GRM8: variants seen among roughly 807,000 people sequenced by gnomAD.
The protein encoded by GRM8 is metabotropic glutamate receptor 8.
GRM8 carries 47 observed loss-of-function variants against 87.2 expected under a neutral mutation model. That is an observed-to-expected ratio of 0.54 (90% CI 0.43 to 0.69). The LOEUF (loss-of-function observed/expected upper bound fraction) is 0.69. Among genes scored for constraint, GRM8 ranks in the 30% least tolerant of loss-of-function variants. The pLI is 0.00. For missense variants in GRM8, 1,019 were observed against 1,139.2 expected (o/e 0.89, Z 1.52); for synonymous variants, 396 against 404.5 (o/e 0.98, Z 0.25).
intron 7 of GRM8, among the ~76,000 whole-genome samples, chr7:126,650,944 G>A (rs10808226): frequency 0.31 from 46,713 of 151,876 alleles, 8,055 homozygotes; most frequent in East Asian, 0.43. Flanking sequence ...CTGAGTGCCC[G>A]ATTTGCCAGA....
At chr7:126,746,916 A>G (rs1169424347) in intron 7 of GRM8, among the ~76,000 whole-genome samples, 1 of 151,692 alleles carries the variant, frequency 6.6e-6, no homozygotes, top group Non-Finnish European at 1.5e-5. Flanking sequence ...ATGACTGAAT[A>G]TAAAAGAAAG....
rs1263767317 is a variant in GRM8, at chr7:126,904,116, C to T, written c.874G>A (p.Glu292Lys). The part of the protein sequence containing the change: ...ANEDDIRRIL[E>K]AAKKLNQSGH... ...CTTTGGTTTAGTTTTTTTGCTGCTT[C>T]CAATATCCTCCTACAGGAATAAAAA... is the stretch of plus-strand genomic sequence containing the variant. Residue 292 changes from glutamate to lysine, a missense_variant, in exon 5 of 11, where the codon GAA becomes AAA. By Grantham distance (56) the Glu-to-Lys change is moderately conservative. Transcript: ENST00000339582. 1 of 1,608,376 alleles carries T rather than the reference C, an allele frequency of 6.2e-7. No homozygotes were observed.
intron 3 of GRM8, among the ~76,000 whole-genome samples, chr7:127,068,165 T>TAA (rs1476037107): frequency 6.6e-6 from 1 of 152,166 alleles, no homozygotes; most frequent in Non-Finnish European, 1.5e-5. Flanking sequence ...GAAACTCTTT[T>TAA]ATGAATCAAA....
chr7:127,024,586 C>T (rs1442144215), intron 3 of GRM8, among the ~76,000 whole-genome samples: 1 of 152,068 alleles, frequency 6.6e-6, no homozygotes, highest in Non-Finnish European at 1.5e-5. Context: ...TCTTTGCTGA[C>T]TGAAACCCTC....
At chr7:126,717,034 A>G (rs1214232023) in intron 7 of GRM8, among the ~76,000 whole-genome samples, 2 of 152,212 alleles carry the variant, frequency 1.3e-5, no homozygotes, top group Admixed American at 6.5e-5. Context: ...CCCTGAAGAA[A>G]TAGGGAGTAA....
chr7:126,619,187 T>C (rs766321631), intron 7 of GRM8, among the ~76,000 whole-genome samples: 12 of 152,186 alleles, frequency 7.9e-5, no homozygotes, highest in Non-Finnish European at 1.5e-4. Flanking sequence ...CGGAGTACTA[T>C]GCAGTCATAA....
At chr7:126,839,459 C>A (rs1796082753) in intron 6 of GRM8, among the ~76,000 whole-genome samples, 1 of 152,066 alleles carries the variant, frequency 6.6e-6, no homozygotes, top group African/African-American at 2.4e-5. Context: ...GCTCAAAGAT[C>A]CAGATATTAA....
intron 7 of GRM8, among the ~76,000 whole-genome samples, chr7:126,732,838 T>TA (rs1332062484): frequency 6.6e-6 from 1 of 152,120 alleles, no homozygotes; most frequent in East Asian, 1.9e-4. Context: ...AGTTTAGGAA[T>TA]AAAAAAATCC....
intron 7 of GRM8, among the ~76,000 whole-genome samples, chr7:126,742,764 A>T (rs1372414506): frequency 6.6e-6 from 1 of 152,066 alleles, no homozygotes; most frequent in Non-Finnish European, 1.5e-5. Context: ...ACTCCCATAA[A>T]GCAATCATGT....
At chr7:126,841,454 G>A (rs1796263315) in intron 6 of GRM8, among the ~76,000 whole-genome samples, 2 of 151,868 alleles carry the variant, frequency 1.3e-5, no homozygotes, top group Admixed American at 1.3e-4. Context: ...ATAGAGTCTT[G>A]GATAGAAGGT....
At chr7:127,225,812 C>T (rs1236129853) in intron 2 of GRM8, among the ~76,000 whole-genome samples, 1 of 151,756 alleles carries the variant, frequency 6.6e-6, no homozygotes, top group African/African-American at 2.4e-5. Flanking sequence ...AGTCCTGAAT[C>T]CTTCCAGGCA....
intron 6 of GRM8, among the ~76,000 whole-genome samples, chr7:126,801,553 T>C (rs1468144017): frequency 1.2e-4 from 8 of 68,030 alleles, no homozygotes; most frequent in Non-Finnish European, 3.5e-4. Flanking sequence ...TATTACTATG[T>C]GGCTGGTATT....
At chr7:126,612,615 T>TTA (rs1799032089) in intron 7 of GRM8, among the ~76,000 whole-genome samples, 1 of 152,200 alleles carries the variant, frequency 6.6e-6, no homozygotes, top group Non-Finnish European at 1.5e-5. Context: ...CACAGATACT[T>TTA]TTTTAGAGCC....
chr7:127,034,393 G>A (rs900282959), intron 3 of GRM8, among the ~76,000 whole-genome samples: 6 of 152,154 alleles, frequency 3.9e-5, no homozygotes, highest in African/African-American at 1.2e-4. Context: ...CAGACAGTAA[G>A]ATAAAAGCCC....
At position 126,516,019 on chromosome 7, in the gene GRM8, A is replaced by C. The variant is rs73722638; in HGVS notation, c.2430+16933T>G. 4.4e-3 allele frequency among the ~76,000 whole-genome samples: 666 copies of C among 152,152 alleles called. 2 individuals are homozygous for C. Among genetic ancestry groups the C allele is most frequent in the African/African-American group, 0.015 (643 of 41,530 alleles). Reference sequence around the variant, plus strand: ...TATATATTTTATTCTAATTTAAGCAATATTTGTATGATTAATGTTTTTATG... The same window carrying C: ...TATATATTTTATTCTAATTTAAGCACTATTTGTATGATTAATGTTTTTATG... On this transcript the variant is annotated intron_variant, in intron 9 of 10. Coordinates refer to ENST00000339582, the MANE Select transcript of GRM8 (RefSeq NM_000845.3).
chr7:126,487,799 T>C (rs898612571), intron 9 of GRM8, among the ~76,000 whole-genome samples: 4 of 152,098 alleles, frequency 2.6e-5, no homozygotes, highest in Non-Finnish European at 2.9e-5. Flanking sequence ...CTCATGGTGA[T>C]GGAATACATT....
At chr7:126,684,831 A>G (rs1295865380) in intron 7 of GRM8, among the ~76,000 whole-genome samples, 2 of 152,228 alleles carry the variant, frequency 1.3e-5, no homozygotes, top group East Asian at 3.8e-4. Context: ...AAGTTGTTGA[A>G]GTCTGAAAAT....
chr7:126,941,851 AG>A (rs1806980138), intron 3 of GRM8, among the ~76,000 whole-genome samples: 1 of 152,196 alleles, frequency 6.6e-6, no homozygotes, highest in African/African-American at 2.4e-5. Flanking sequence ...TCTGCTGGCA[AG>A]TCCCTCCACT....
chr7:127,011,912 C>A (rs1419760977), intron 3 of GRM8, among the ~76,000 whole-genome samples: 1 of 152,098 alleles, frequency 6.6e-6, no homozygotes, highest in Admixed American at 6.6e-5. Context: ...TTGTACCTTC[C>A]ACACCAAAAA....
Sources: allele counts gnomAD v4.1 joint callset (sites outside exome capture counted in the v4.1 genomes callset), GRCh38; gene constraint gnomAD v4.1.1; transcripts MANE v1.5; gene names NCBI Gene and HGNC (gene_info 2026-07-23, HGNC 2026-07-21).